BAIAP2: variants seen among roughly 807,000 people sequenced by gnomAD.
BAIAP2 encodes the protein BAR/IMD domain-containing adapter protein 2.
BAIAP2 carries 18 observed loss-of-function variants against 63.0 expected under a neutral mutation model. That is an observed-to-expected ratio of 0.29 (90% CI 0.20 to 0.42). The LOEUF (loss-of-function observed/expected upper bound fraction) is 0.42. Among genes scored for constraint, BAIAP2 ranks in the 10% least tolerant of loss-of-function variants. The pLI is 1.00. For missense variants in BAIAP2, 610 were observed against 734.3 expected, an observed-to-expected ratio of 0.83 and a Z score of 1.96; for synonymous variants, 386 against 307.6, an observed-to-expected ratio of 1.25 and a Z score of -2.67.
chr17:81,053,607 C>A, intron 1 of BAIAP2, 61 bp from the exon 2 acceptor site: 1 of 1,588,756 alleles, frequency 6.3e-7, no homozygotes, highest in Non-Finnish European at 8.6e-7. Context: ...GTGTTCGGAC[C>A]CTTCGGAGTC....
intron 6 of BAIAP2, chr17:81,098,108 G>A (rs988486268): frequency 5.8e-6 from 8 of 1,387,690 alleles, no homozygotes; most frequent in Non-Finnish European, 7.5e-6. Context: ...CCAGCGGGGG[G>A]TGGGGAGGCA....
At chr17:81,108,738 T>A in intron 13 of BAIAP2, 1 of 863,622 alleles carries the variant, frequency 1.2e-6, no homozygotes, top group Non-Finnish European at 1.7e-6. Context: ...GCCGGCCCCA[T>A]CCATCCCTGT....
chr17:81,070,984 C>G (rs2052529570), intron 3 of BAIAP2, among the ~76,000 whole-genome samples: 1 of 152,236 alleles, frequency 6.6e-6, no homozygotes, highest in African/African-American at 2.4e-5. Context: ...TGTCCAAGAT[C>G]TGAATGCTGA....
chr17:81,063,290 A>G (rs964414841), intron 3 of BAIAP2, among the ~76,000 whole-genome samples: 15 of 152,292 alleles, frequency 9.8e-5, no homozygotes, highest in South Asian at 2.1e-4. Context: ...CCACAGGAAG[A>G]TGGATTTGTG....
At chr17:81,102,148 G>A (rs1369081364) in intron 7 of BAIAP2, among the ~76,000 whole-genome samples, 4 of 152,212 alleles carry the variant, frequency 2.6e-5, no homozygotes, top group Non-Finnish European at 4.4e-5. Flanking sequence ...GTGTCCCACA[G>A]ACCCACTTAG....
chr17:81,050,717 ACG>A (rs1428797445), intron 1 of BAIAP2, among the ~76,000 whole-genome samples: 4 of 81,734 alleles, frequency 4.9e-5, no homozygotes, highest in African/African-American at 1.2e-4. Context: ...CAGCACACAC[ACG>A]CACACAAATG....
chr17:81,061,021 G>A (rs2050452355), intron 3 of BAIAP2, among the ~76,000 whole-genome samples: 3 of 152,238 alleles, frequency 2.0e-5, no homozygotes, highest in Admixed American at 2.0e-4. Flanking sequence ...CTACTAGGGA[G>A]GCTGAGACAG....
intron 6 of BAIAP2, chr17:81,098,185 C>A: frequency 6.9e-7 from 1 of 1,446,416 alleles, no homozygotes. Context: ...ACCTACAGCC[C>A]TGTTGGTCAG....
intron 7 of BAIAP2, among the ~76,000 whole-genome samples, chr17:81,100,963 C>T (rs1186611085): frequency 6.6e-6 from 1 of 152,168 alleles, no homozygotes; most frequent in Non-Finnish European, 1.5e-5. Context: ...CTCGTGACCT[C>T]TGAGAGACCC....
intron 6 of BAIAP2, among the ~76,000 whole-genome samples, chr17:81,098,698 C>G (rs945390069): frequency 1.3e-5 from 2 of 152,240 alleles, no homozygotes; most frequent in Non-Finnish European, 2.9e-5. Flanking sequence ...CTTCTGTCGT[C>G]TTTGCTGGAA....
intron 6 of BAIAP2, among the ~76,000 whole-genome samples, chr17:81,089,181 CTG>C (rs2056277890): frequency 6.6e-6 from 1 of 151,942 alleles, no homozygotes; most frequent in African/African-American, 2.4e-5. Context: ...GATGGCTGGT[CTG>C]TCTGTTTGCT....
In BAIAP2 at chr17:81,116,546, G is replaced by GCTGT. The variant is rs985660830; in HGVS notation, c.*709_*712dup. 15 of 570,754 alleles carry GCTGT rather than the reference G, an allele frequency of 2.6e-5. No homozygotes were observed. The highest frequency in any genetic ancestry group is 2.1e-4 in the African/African-American group (11 of 53,180). The allele number at this position is 570,754 out of a possible 1,614,324, so 35.4% of individuals were successfully genotyped here. A position where few individuals can be genotyped will look rare whatever the true frequency, so the allele number is the denominator to read the frequency against. On this transcript the variant is annotated 3_prime_UTR_variant, in exon 14 of 14. Coordinates refer to ENST00000428708, the MANE Select transcript of BAIAP2 (RefSeq NM_001144888.2). ...AGCTCGCTCCTGCGGCCAAAGGCCA[G>GCTGT]CTGTCAGGTGCTATGCGGGGTCACC...
intron 2 of BAIAP2, among the ~76,000 whole-genome samples, chr17:81,055,574 G>GTTTTTTGTTTTTTGTTGTTTTT (rs370775327): frequency 8.1e-6 from 1 of 123,406 alleles, no homozygotes; most frequent in African/African-American, 2.9e-5. Flanking sequence ...AGGGTGTTTT[G>GTTTTTTGTTTTTTGTTGTTTTT]TTTTTTTTTG....
intron 6 of BAIAP2, among the ~76,000 whole-genome samples, chr17:81,095,033 A>T (rs1555676274): frequency 6.6e-6 from 1 of 152,244 alleles, no homozygotes; most frequent in Non-Finnish European, 1.5e-5. Context: ...ATGTGTTCTG[A>T]TCACTTTTGT....
At chr17:81,088,632 C>G (rs1055451779) in intron 6 of BAIAP2, among the ~76,000 whole-genome samples, 1 of 152,224 alleles carries the variant, frequency 6.6e-6, no homozygotes, top group South Asian at 2.1e-4. Flanking sequence ...TGGTGGCTCA[C>G]GTGGCACGGA....
intron 11 of BAIAP2, 78 bp from the exon 12 acceptor site, chr17:81,106,667 A>G: frequency 6.4e-7 from 1 of 1,556,558 alleles, no homozygotes; most frequent in East Asian, 2.3e-5. Context: ...GAGGGCGGGC[A>G]GTCCAGGGAG....
At chr17:81,113,374 C>T (rs2060131825) in intron 13 of BAIAP2, among the ~76,000 whole-genome samples, 1 of 152,248 alleles carries the variant, frequency 6.6e-6, no homozygotes, top group African/African-American at 2.4e-5. Flanking sequence ...CGGCAGGGAC[C>T]AATGTCTGTG....
chr17:81,057,988 CCGCCTGG>C, intron 3 of BAIAP2, 21 bp downstream of exon 3: 1 of 1,122,484 alleles, frequency 8.9e-7, no homozygotes, highest in Non-Finnish European at 1.2e-6. Context: ...CCCCCCCCCC[CCGCCTGG>C]TAGTCGCCTG....
chr17:81,060,355 C>T (rs2050335901), intron 3 of BAIAP2, among the ~76,000 whole-genome samples: 1 of 152,218 alleles, frequency 6.6e-6, no homozygotes, highest in African/African-American at 2.4e-5. Context: ...CCTCCCTCAT[C>T]CCCACGCTCC....
Sources: allele counts gnomAD v4.1 joint callset (sites outside exome capture counted in the v4.1 genomes callset), GRCh38; gene constraint gnomAD v4.1.1; transcripts MANE v1.5; gene names NCBI Gene and HGNC (gene_info 2026-07-23, HGNC 2026-07-21).